The following LPP variants were observed in gnomAD, a reference collection of about 807,000 sequenced individuals.
The protein encoded by LPP is lipoma-preferred partner.
LPP carries 38 observed loss-of-function variants against 60.4 expected under a neutral mutation model. That is an observed-to-expected ratio of 0.63 (90% CI 0.49 to 0.83). The LOEUF (loss-of-function observed/expected upper bound fraction) is 0.83. LPP is among the 40% of genes least tolerant of loss of function. LPP has a pLI of 0.00. For synonymous variants in LPP, 328 were observed against 290.8 expected (o/e 1.13, Z -1.30); for missense variants, 902 against 783.6 (o/e 1.15, Z -1.80).
At chr3:188,219,998 A>C (rs1715175103) in intron 1 of LPP, among the ~76,000 whole-genome samples, 1 of 152,182 alleles carries the variant, frequency 6.6e-6, no homozygotes, top group Admixed American at 6.5e-5. Flanking sequence ...ACTCAACCAC[A>C]GTTAGCTGTG....
At chr3:188,781,650 G>A (rs1026017167) in intron 9 of LPP, among the ~76,000 whole-genome samples, 9 of 151,712 alleles carry the variant, frequency 5.9e-5, no homozygotes, top group East Asian at 3.9e-4. Context: ...TTGGGAGGCC[G>A]AGGTGGGTGG....
At chr3:188,760,931 G>A (rs949040690) in intron 9 of LPP, among the ~76,000 whole-genome samples, 26 of 152,028 alleles carry the variant, frequency 1.7e-4, no homozygotes, top group Non-Finnish European at 3.4e-4. Flanking sequence ...ATATACCTGG[G>A]TAACTAAAAA....
At position 188,885,315 on chromosome 3, in the gene LPP, A is replaced by G. The variant is rs1051044216; in HGVS notation, c.*10836A>G. On this transcript the variant is annotated 3_prime_UTR_variant, in exon 12 of 12. Coordinates refer to ENST00000617246, the MANE Select transcript of LPP (RefSeq NM_001375462.1). ...CTCCCTGGAGTGTTATCATCCATCAAGCCAGTATCATCATCCACCTGCTTA... is the reference window on the plus strand; with the variant it reads ...CTCCCTGGAGTGTTATCATCCATCAGGCCAGTATCATCATCCACCTGCTTA... The G allele has an allele frequency of 1.5e-5, 3 of 196,658 alleles. No homozygotes were observed. Among genetic ancestry groups the G allele is most frequent in the Middle Eastern group, 1.8e-3 (1 of 556 alleles). The allele number at this position is 196,658 out of a possible 1,614,324, so 12.2% of individuals were successfully genotyped here.
At chr3:188,311,636 C>CT (rs11341866) in intron 2 of LPP, among the ~76,000 whole-genome samples, 13 of 137,588 alleles carry the variant, frequency 9.4e-5, no homozygotes, top group South Asian at 2.4e-4. Context: ...TCCAACATTT[C>CT]TTTTTTTTTT....
intron 9 of LPP, among the ~76,000 whole-genome samples, chr3:188,794,277 A>G (rs1458603171): frequency 6.6e-6 from 1 of 152,246 alleles, no homozygotes; most frequent in Non-Finnish European, 1.5e-5. Context: ...AGGCCCAGAC[A>G]TGGGCAGTTT....
At chr3:188,716,337 G>T (rs1423587359) in intron 8 of LPP, among the ~76,000 whole-genome samples, 1 of 152,218 alleles carries the variant, frequency 6.6e-6, no homozygotes, top group African/African-American at 2.4e-5. Flanking sequence ...GGTTATGCCA[G>T]CTCATTGTAT....
chr3:188,459,569 CT>C (rs1798526527), intron 4 of LPP, among the ~76,000 whole-genome samples: 1 of 152,100 alleles, frequency 6.6e-6, no homozygotes, highest in Non-Finnish European at 1.5e-5. Context: ...TACATATTTC[CT>C]TTTTAGTATT....
Position 188,876,333 on chromosome 3 carries a change from A to G in LPP, c.*1854A>G, listed in dbSNP as rs1421036706. 1.6e-5 allele frequency: 3 copies of G among 190,602 alleles called. No homozygotes were observed. The highest frequency in any genetic ancestry group is 6.2e-5 in the Admixed American group (1 of 16,256). The allele number at this position is 190,602 out of a possible 1,614,324, so 11.8% of individuals were successfully genotyped here. On this transcript the variant is annotated 3_prime_UTR_variant, in exon 12 of 12. Coordinates refer to ENST00000617246, the MANE Select transcript of LPP (RefSeq NM_001375462.1). ...ATAGCTCATCCTTAATGTATGGCTC[A>G]TTTGCTTTTGTCACTAAACGGTTTT...
intron 2 of LPP, among the ~76,000 whole-genome samples, chr3:188,247,868 G>A (rs879546928): frequency 9.2e-5 from 14 of 151,594 alleles, no homozygotes; most frequent in African/African-American, 1.5e-4. Flanking sequence ...GAGGATTGAC[G>A]ATTTTCCTAA....
At chr3:188,814,336 C>T (rs1338446350) in intron 9 of LPP, among the ~76,000 whole-genome samples, 1 of 152,138 alleles carries the variant, frequency 6.6e-6, no homozygotes, top group Non-Finnish European at 1.5e-5. Context: ...TCTCTCTTCA[C>T]CAGTCTCCTT....
At chr3:188,767,264 A>AG (rs1172358021) in intron 9 of LPP, among the ~76,000 whole-genome samples, 1 of 152,220 alleles carries the variant, frequency 6.6e-6, no homozygotes, top group African/African-American at 2.4e-5. Context: ...TATTCATAGA[A>AG]GAAAAGTACC....
intron 9 of LPP, among the ~76,000 whole-genome samples, chr3:188,786,153 G>T (rs990314399): frequency 6.6e-6 from 1 of 152,018 alleles, no homozygotes; most frequent in South Asian, 2.1e-4. Flanking sequence ...GCTGAGGCGG[G>T]TGGATCACTT....
At chr3:188,763,755 G>GT (rs1241149508) in intron 9 of LPP, among the ~76,000 whole-genome samples, 1 of 151,948 alleles carries the variant, frequency 6.6e-6, no homozygotes, top group Non-Finnish European at 1.5e-5. Flanking sequence ...TGTATTGTGT[G>GT]TTTTGCAATC....
rs774489823 is a variant in LPP, at chr3:188,255,413, G to A, written c.-67+29886G>A. On this transcript the variant is annotated intron_variant, in intron 2 of 11. Coordinates refer to ENST00000617246, the MANE Select transcript of LPP (RefSeq NM_001375462.1). ...CATGAAATTGGTGCTTTTCCTCTAT[G>A]CCTGACACATGACACATCATATCAA... is the stretch of plus-strand genomic sequence containing the variant. Among the ~76,000 whole-genome samples, 26 of 152,274 alleles carry A rather than the reference G, an allele frequency of 1.7e-4. 1 individual carries two copies. Among genetic ancestry groups the A allele is most frequent in the Admixed American group, 4.6e-4 (7 of 15,296 alleles).
At chr3:188,744,893 C>G (rs1209993706) in intron 8 of LPP, among the ~76,000 whole-genome samples, 1 of 152,120 alleles carries the variant, frequency 6.6e-6, no homozygotes, top group Non-Finnish European at 1.5e-5. Context: ...CGATTTTCCT[C>G]CCATTCCTAC....
intron 9 of LPP, among the ~76,000 whole-genome samples, chr3:188,782,894 C>G (rs1215291064): frequency 6.6e-6 from 1 of 152,100 alleles, no homozygotes; most frequent in Non-Finnish European, 1.5e-5. Context: ...CTCCCTTCCC[C>G]ACTCCTTCCT....
rs989287263 is a variant in LPP at position 188,217,273 on chromosome 3, A to T, written c.-189-8132A>T. Among the ~76,000 whole-genome samples, 2 of 152,152 alleles carry T rather than the reference A, an allele frequency of 1.3e-5. No homozygotes were observed. The highest frequency in any genetic ancestry group is 2.9e-5 in the Non-Finnish European group (2 of 68,022). ...GGGAAGAGCACTGCAGGCAGTGGAG[A>T]CGGTCAATGCAAAGGTCAAGGCTGT... On this transcript the variant is annotated intron_variant, in intron 1 of 11. Coordinates refer to ENST00000617246, the MANE Select transcript of LPP (RefSeq NM_001375462.1). The surrounding 1 kb of genome is among the most constrained non-coding windows in gnomAD (Gnocchi z 4.0).
intron 9 of LPP, among the ~76,000 whole-genome samples, chr3:188,833,913 G>A (rs552895776): frequency 1.3e-5 from 2 of 152,308 alleles, no homozygotes; most frequent in South Asian, 2.1e-4. Context: ...TTTTCAGGGT[G>A]TATTTTATAT....
intron 3 of LPP, among the ~76,000 whole-genome samples, chr3:188,394,962 A>T (rs956407315): frequency 2.6e-5 from 4 of 152,096 alleles, no homozygotes; most frequent in Non-Finnish European, 5.9e-5. Flanking sequence ...AACTAGTGAG[A>T]AGCTTGCCTG....
Sources: allele counts gnomAD v4.1 joint callset (sites outside exome capture counted in the v4.1 genomes callset), GRCh38; gene constraint gnomAD v4.1.1; non-coding constraint Gnocchi (gnomAD v3.1); transcripts MANE v1.5; gene names NCBI Gene and HGNC (gene_info 2026-07-23, HGNC 2026-07-21).